TFEC: variants seen among roughly 807,000 people sequenced by gnomAD.
The protein encoded by TFEC is class E basic helix-loop-helix protein 34.
In TFEC, 31 loss-of-function variants were observed where a neutral mutation model predicts 41.6. That is an observed-to-expected ratio of 0.74 (90% confidence interval 0.56 to 1.01). The LOEUF is 1.01. Ranked by LOEUF, TFEC falls within the 50% of genes least tolerant of loss-of-function variation. The probability of loss-of-function intolerance (pLI) is 0.00; values close to 1 mark genes in which losing one functional copy is unlikely to be tolerated. For synonymous variants in TFEC, 143 were observed against 140.6 expected, an observed-to-expected ratio of 1.02 and a Z score of -0.12; for missense variants, 402 against 404.1, an observed-to-expected ratio of 0.99 and a Z score of 0.04.
At chr7:115,944,832 C>T (rs1000882243) in intron 6 of TFEC, among the ~76,000 whole-genome samples, 3 of 151,346 alleles carry the variant, frequency 2.0e-5, no homozygotes, top group Non-Finnish European at 4.4e-5. Flanking sequence ...ACTTGGCACA[C>T]TCTTAGTAAA....
intron 3 of TFEC, among the ~76,000 whole-genome samples, chr7:116,045,851 T>C (rs1454998399): frequency 6.6e-6 from 1 of 152,176 alleles, no homozygotes; most frequent in African/African-American, 2.4e-5. Context: ...GGGGCGGAGC[T>C]TCCCAAGACC....
At chr7:116,017,271 G>C (rs758274821) in intron 1 of TFEC, among the ~76,000 whole-genome samples, 6 of 151,982 alleles carry the variant, frequency 3.9e-5, no homozygotes, top group Non-Finnish European at 7.4e-5. Context: ...ACCCAGGCTG[G>C]AGTGCAGTGG....
intron 1 of TFEC, among the ~76,000 whole-genome samples, chr7:116,019,662 T>C (rs1795320623): frequency 1.3e-5 from 2 of 152,180 alleles, no homozygotes; most frequent in Admixed American, 6.6e-5. Flanking sequence ...CCCAAGATTA[T>C]GAAACAAGCA....
chr7:115,952,714 A>G (rs1792012341), intron 5 of TFEC, among the ~76,000 whole-genome samples: 1 of 152,132 alleles, frequency 6.6e-6, no homozygotes, highest in Non-Finnish European at 1.5e-5. Flanking sequence ...GTCAAGTTTT[A>G]AGAAATTACT....
intron 3 of TFEC, among the ~76,000 whole-genome samples, chr7:116,038,698 T>C (rs1325700762): frequency 2.0e-5 from 3 of 152,038 alleles, no homozygotes; most frequent in African/African-American, 7.2e-5. Flanking sequence ...ATGATTGACA[T>C]TGTAGCTTCC....
intron 1 of TFEC, chr7:116,159,655 CTAATG>C (rs1449887404): frequency 1.3e-5 from 2 of 151,984 alleles, no homozygotes; most frequent in African/African-American, 4.8e-5. Flanking sequence ...ACTTTTTGAG[CTAATG>C]TAAGTTAAAA....
At chr7:115,968,192 A>C in intron 3 of TFEC, 1 of 1,527,212 alleles carries the variant, frequency 6.5e-7, no homozygotes, top group Non-Finnish European at 8.8e-7. Flanking sequence ...CACCAGTTTT[A>C]ACTTTGAAGT....
chr7:115,963,561 T>C (rs1366817773), intron 3 of TFEC, among the ~76,000 whole-genome samples: 1 of 151,774 alleles, frequency 6.6e-6, no homozygotes, highest in African/African-American at 2.4e-5. Context: ...ATGTGGTGTA[T>C]ACACATAATG....
At chr7:116,143,250 T>G (rs1174339508) in intron 1 of TFEC, among the ~76,000 whole-genome samples, 3 of 152,114 alleles carry the variant, frequency 2.0e-5, no homozygotes, top group Admixed American at 2.0e-4. Flanking sequence ...GAGAAAAGAT[T>G]CTACCAAGAT....
intron 1 of TFEC, among the ~76,000 whole-genome samples, chr7:115,990,812 A>G (rs1003378233): frequency 2.0e-5 from 3 of 152,238 alleles, no homozygotes; most frequent in Non-Finnish European, 4.4e-5. Context: ...ACTCTTCAGG[A>G]TATCATCCAG....
intron 1 of TFEC, among the ~76,000 whole-genome samples, chr7:116,139,252 A>C (rs1182579378): frequency 1.3e-5 from 2 of 152,176 alleles, no homozygotes; most frequent in Non-Finnish European, 2.9e-5. Context: ...AAAAAAGTAC[A>C]AGAGCGTTCT....
chr7:116,021,988 G>A (rs993956090), intron 1 of TFEC, among the ~76,000 whole-genome samples: 1 of 152,124 alleles, frequency 6.6e-6, no homozygotes, highest in African/African-American at 2.4e-5. Context: ...TTCAGCACTG[G>A]GGAGAACAGG....
intron 1 of TFEC, among the ~76,000 whole-genome samples, chr7:116,113,305 T>C (rs1342907386): frequency 1.3e-5 from 2 of 151,770 alleles, no homozygotes; most frequent in African/African-American, 4.8e-5. Flanking sequence ...ATATAACTGG[T>C]GTTACAGGAA....
intron 1 of TFEC, among the ~76,000 whole-genome samples, chr7:116,143,445 G>A (rs1294171425): frequency 6.6e-6 from 1 of 152,138 alleles, no homozygotes; most frequent in African/African-American, 2.4e-5. Flanking sequence ...GGATATGAGG[G>A]TTAATAATTC....
At chr7:116,147,599 C>T (rs888031077) in intron 1 of TFEC, among the ~76,000 whole-genome samples, 2 of 148,306 alleles carry the variant, frequency 1.3e-5, no homozygotes, top group Non-Finnish European at 3.0e-5. Context: ...GTTCCCCTTC[C>T]TGTGTCCAAG....
intron 1 of TFEC, among the ~76,000 whole-genome samples, chr7:116,027,985 C>G (rs1795650084): frequency 6.6e-6 from 1 of 152,134 alleles, no homozygotes; most frequent in Non-Finnish European, 1.5e-5. Flanking sequence ...CTCAACTTCC[C>G]TCTATTTCCT....
intron 3 of TFEC, among the ~76,000 whole-genome samples, chr7:116,077,571 G>A (rs1339828989): frequency 1.3e-5 from 2 of 151,920 alleles, no homozygotes; most frequent in African/African-American, 4.8e-5. Context: ...TAAGGTAAAG[G>A]GGTGAAAAAA....
At chr7:116,091,985 A>T (rs976078489) in intron 3 of TFEC, among the ~76,000 whole-genome samples, 1 of 152,196 alleles carries the variant, frequency 6.6e-6, no homozygotes, top group Non-Finnish European at 1.5e-5. Context: ...CTTAATGCCA[A>T]CTTTAGCCCA....
At chr7:115,961,039 C>A (rs557747471) in intron 3 of TFEC, among the ~76,000 whole-genome samples, 7 of 151,498 alleles carry the variant, frequency 4.6e-5, no homozygotes, top group Non-Finnish European at 8.9e-5. Context: ...TGAATAAATA[C>A]ACCAAAAATA....
Sources: allele counts gnomAD v4.1 joint callset (sites outside exome capture counted in the v4.1 genomes callset), GRCh38; gene constraint gnomAD v4.1.1; transcripts MANE v1.5; gene names NCBI Gene and HGNC (gene_info 2026-07-23, HGNC 2026-07-21).